FGD3: variants seen among roughly 807,000 people sequenced by gnomAD.
FGD3 encodes FYVE, RhoGEF and PH domain containing 3.
FGD3 carries 45 observed loss-of-function variants against 71.8 expected under a neutral mutation model. The ratio of observed to expected loss-of-function variants is 0.63; its 90% CI spans 0.49 to 0.80. FGD3 has a LOEUF of 0.80. Ranked by LOEUF, FGD3 falls within the 30% of genes least tolerant of loss-of-function variation. The probability of loss-of-function intolerance (pLI) is 0.00; values close to 1 mark genes in which losing one functional copy is unlikely to be tolerated. For missense variants in FGD3, 844 were observed against 951.5 expected (o/e 0.89, Z 1.49); for synonymous variants, 378 against 392.8 (o/e 0.96, Z 0.44).
rs559831916 is a variant in FGD3 at position 92,960,314 on chromosome 9, C to T, written c.-218+12585C>T. Among the ~76,000 whole-genome samples, 4 of 152,122 alleles carry T rather than the reference C, an allele frequency of 2.6e-5. No individual in the cohort carries two copies. The East Asian group carries it at 7.8e-4, about 29-fold the overall frequency. ...CATGTCTCCATATCCCTCGTGTCCCCAAGTCCCCCATCCCCATGTCCTCAT... is the reference window on the plus strand; with the variant it reads ...CATGTCTCCATATCCCTCGTGTCCCTAAGTCCCCCATCCCCATGTCCTCAT... On this transcript the variant is annotated intron_variant, in intron 1 of 17. Transcript: ENST00000375482.
At chr9:93,023,278 A>T (rs955713587) in intron 14 of FGD3, among the ~76,000 whole-genome samples, 2 of 151,996 alleles carry the variant, frequency 1.3e-5, no homozygotes, top group Admixed American at 1.3e-4. Context: ...CCCTCCCATG[A>T]CCTGAGCTTT....
At chr9:93,018,862 T>C (rs1304041528) in intron 11 of FGD3, among the ~76,000 whole-genome samples, 6 of 152,134 alleles carry the variant, frequency 3.9e-5, no homozygotes, top group African/African-American at 1.4e-4. Flanking sequence ...TTTTCTTTTC[T>C]TTTTTTTGAG....
chr9:93,028,998 T>G (rs964581133), intron 14 of FGD3, among the ~76,000 whole-genome samples: 35 of 16,296 alleles, frequency 2.1e-3, no homozygotes, highest in African/African-American at 3.3e-3. Context: ...CCTCACAGTT[T>G]TTTTTTTTTT....
intron 1 of FGD3, among the ~76,000 whole-genome samples, chr9:92,973,432 G>T (rs1482423607): frequency 6.6e-6 from 1 of 152,036 alleles, no homozygotes; most frequent in Non-Finnish European, 1.5e-5. Context: ...GGTGATTTTT[G>T]ATTGGATGCC....
At chr9:92,965,158 G>A (rs535635608) in intron 1 of FGD3, among the ~76,000 whole-genome samples, 7 of 152,324 alleles carry the variant, frequency 4.6e-5, no homozygotes, top group African/African-American at 1.4e-4. Flanking sequence ...GAGGGGGCCC[G>A]AGGGGCAGAG....
At chr9:92,989,921 T>G (rs1185680998) in intron 3 of FGD3, among the ~76,000 whole-genome samples, 1 of 1,880 alleles carries the variant, frequency 5.3e-4, no homozygotes, top group African/African-American at 8.1e-4. Context: ...TTGTAGAGGT[T>G]TTTTTTTTTT....
intron 1 of FGD3, among the ~76,000 whole-genome samples, chr9:92,952,721 C>T (rs978682553): frequency 1.8e-4 from 28 of 151,814 alleles, no homozygotes; most frequent in African/African-American, 6.0e-4. Context: ...TTCTTTCTCT[C>T]CTTCCTTCCT....
chr9:93,035,304 G>C, intron 17 of FGD3, 34 bp from the exon 18 acceptor site: 1 of 1,593,784 alleles, frequency 6.3e-7, no homozygotes, highest in Middle Eastern at 2.3e-4. Context: ...CCGGGAAGCT[G>C]TGGCCCCGCT....
chr9:92,948,897 C>A (rs181956347), intron 1 of FGD3, among the ~76,000 whole-genome samples: 1 of 152,184 alleles, frequency 6.6e-6, no homozygotes, highest in African/African-American at 2.4e-5. Flanking sequence ...GTTAGCAGCT[C>A]ACACCATCTG....
intron 15 of FGD3, among the ~76,000 whole-genome samples, chr9:93,032,174 T>G (rs556050926): frequency 6.6e-6 from 1 of 152,250 alleles, no homozygotes; most frequent in Admixed American, 6.5e-5. Context: ...TGTACAAACA[T>G]CCCTTCAGAT....
intron 3 of FGD3, among the ~76,000 whole-genome samples, chr9:92,987,305 G>A (rs1860223967): frequency 1.3e-5 from 2 of 151,944 alleles, no homozygotes; most frequent in African/African-American, 2.4e-5. Flanking sequence ...GGTGGTGGGT[G>A]CCTGTAATCC....
chr9:93,015,597 C>T (rs1861644352), intron 9 of FGD3, 140 bp from the exon 10 acceptor site: 2 of 555,294 alleles, frequency 3.6e-6, no homozygotes, highest in Non-Finnish European at 6.5e-6. Flanking sequence ...GTTAAAATTA[C>T]TGCACATATC....
chr9:92,999,523 C>T (rs763270074), intron 3 of FGD3, among the ~76,000 whole-genome samples: 6 of 151,920 alleles, frequency 3.9e-5, no homozygotes, highest in African/African-American at 9.7e-5. Flanking sequence ...AGAAATCATC[C>T]GTCTAATGCG....
At chr9:92,962,016 C>T (rs1487052546) in intron 1 of FGD3, among the ~76,000 whole-genome samples, 1 of 152,192 alleles carries the variant, frequency 6.6e-6, no homozygotes, top group Non-Finnish European at 1.5e-5. Context: ...AGGCAGATAA[C>T]CAGCATTTGA....
intron 6 of FGD3, among the ~76,000 whole-genome samples, chr9:93,007,521 G>A (rs544013150): frequency 6.6e-6 from 1 of 152,184 alleles, no homozygotes; most frequent in Non-Finnish European, 1.5e-5. Context: ...AGCTGGGCGT[G>A]ACATGCCTAT....
chr9:93,034,451 G>A lies in FGD3; in HGVS notation c.1786-90G>A, dbSNP rs1367603884. 4.8e-6 allele frequency: 7 copies of A among 1,460,862 alleles called. No homozygotes were observed. The African/African-American group carries it at 7.1e-5, about 15-fold the overall frequency. The allele number at this position is 1,460,862 out of a possible 1,614,324, so 90.5% of individuals were successfully genotyped here. On this transcript the variant is annotated intron_variant, in intron 16 of 17. Coordinates refer to ENST00000375482, the MANE Select transcript of FGD3 (RefSeq NM_001083536.2). ...TGTCTCCACAGCCAGCTCCCCCCAA[G>A]CAGTGGCCCTGGCCCTACCCCAGCC... is the stretch of plus-strand genomic sequence containing the variant.
chr9:93,010,412 G>A (rs771272120), intron 7 of FGD3, 28 bp downstream of exon 7: 1 of 1,583,546 alleles, frequency 6.3e-7, no homozygotes, highest in South Asian at 1.1e-5. Flanking sequence ...GCTCCCAGGA[G>A]GGTGCAGGGG....
At chr9:92,955,571 T>C (rs565997024) in intron 1 of FGD3, among the ~76,000 whole-genome samples, 79 of 152,306 alleles carry the variant, frequency 5.2e-4, no homozygotes, top group African/African-American at 1.8e-3. Context: ...ACATAAGAGA[T>C]AATGCAGAGA....
In FGD3 at chr9:93,035,534, A is replaced by G; in HGVS notation, c.2123A>G (p.Gln708Arg). 6.2e-7 allele frequency: 1 copy of G among 1,610,886 alleles called. No individual in the cohort carries two copies. The highest frequency in any genetic ancestry group is 8.5e-7 in the Non-Finnish European group (1 of 1,179,790). ...LSTAAHGDTA[Q>R]DSPGALQLQV... ...ACTGCTGCCCATGGGGACACGGCCC[A>G]GGACAGCCCGGGGGCCCTGCAGCTT... Residue 708 changes from glutamine to arginine, a missense_variant, in exon 18 of 18, where the codon CAG becomes CGG. Physicochemically the swap from Gln to Arg is conservative, Grantham distance 43. Coordinates refer to ENST00000375482, the MANE Select transcript of FGD3 (RefSeq NM_001083536.2).
Sources: allele counts gnomAD v4.1 joint callset (sites outside exome capture counted in the v4.1 genomes callset), GRCh38; gene constraint gnomAD v4.1.1; transcripts MANE v1.5; gene names NCBI Gene and HGNC (gene_info 2026-07-23, HGNC 2026-07-21).